TIMM50: variants seen among roughly 807,000 people sequenced by gnomAD.
TIMM50 encodes the protein translocase of inner mitochondrial membrane 50.
In TIMM50, 34 loss-of-function variants were observed where a neutral mutation model predicts 49.6. The ratio of observed to expected loss-of-function variants is 0.69; its 90% CI spans 0.52 to 0.91. TIMM50 has a LOEUF of 0.91. TIMM50 is among the 40% of genes least tolerant of loss of function. The probability of loss-of-function intolerance (pLI) is 0.00; values close to 1 mark genes in which losing one functional copy is unlikely to be tolerated. For synonymous variants in TIMM50, 199 were observed against 198.4 expected (o/e 1.00, Z -0.03); for missense variants, 458 against 477.8 (o/e 0.96, Z 0.39).
Position 39,491,665 on chromosome 19 carries a change from CAAAGT to C in TIMM50, c.*1848_*1852del. 1 of 149,836 alleles carries C rather than the reference CAAAGT, an allele frequency of 6.7e-6. No individual in the cohort carries two copies. The highest frequency in any genetic ancestry group is 6.6e-5 in the Admixed American group (1 of 15,078). The allele number at this position is 149,836 out of a possible 1,614,324, so 9.3% of individuals were successfully genotyped here. A position where few individuals can be genotyped will look rare whatever the true frequency, so the allele number is the denominator to read the frequency against. ...TGAAATCCTGCCTCTAAAAAAAAAA[CAAAGT>C]AACGAGCCCAGCGAGGTTATGCATA... On this transcript the variant is annotated 3_prime_UTR_variant, in exon 11 of 11. Transcript: ENST00000607714.
At chr19:39,483,334 T>G (rs575636618) in intron 4 of TIMM50, 178 bp downstream of exon 4, 28 of 667,398 alleles carry the variant, frequency 4.2e-5, no homozygotes, top group East Asian at 1.3e-4. Flanking sequence ...CCCACTTCCC[T>G]GGCCCCTCAG....
At chr19:39,482,123 C>CT in intron 2 of TIMM50, 90 bp downstream of exon 2, 1 of 1,511,924 alleles carries the variant, frequency 6.6e-7, no homozygotes. Flanking sequence ...ACCAGCTTCT[C>CT]TCGTCTTCAT....
At position 39,492,882 on chromosome 19, in the gene TIMM50, A is replaced by AAAAAAAAAAAAAAAAAAAAAC. The variant is rs1568445501; in HGVS notation, c.*3072_*3073insAAAAAAAAAACAAAAAAAAAA. On this transcript the variant is annotated 3_prime_UTR_variant, in exon 11 of 11. Transcript: ENST00000607714. ...TAAGGCTCTGTCTCCAAAAAAAAAAAAAAAAAAAAACAAAAAAAAAACCAG... is the reference window on the plus strand; with the variant it reads ...TAAGGCTCTGTCTCCAAAAAAAAAAAAAAAAAAAAAAAAAAAAAAACAAAAAAAAAACAAAAAAAAAACCAG... 1 of 141,334 alleles carries AAAAAAAAAAAAAAAAAAAAAC rather than the reference A, an allele frequency of 7.1e-6. No individual in the cohort carries two copies. Among genetic ancestry groups the AAAAAAAAAAAAAAAAAAAAAC allele is most frequent in the Non-Finnish European group, 1.5e-5 (1 of 65,204 alleles). 8.8% of individuals were successfully genotyped at this position (141,334 alleles called of 1,614,324 possible). A position where few individuals can be genotyped will look rare whatever the true frequency, so the allele number is the denominator to read the frequency against.
chr19:39,487,608 C>T lies in TIMM50; in HGVS notation c.697-453C>T, dbSNP rs147044342. 3.5e-3 allele frequency among the ~76,000 whole-genome samples: 535 copies of T among 152,264 alleles called. 2 individuals are homozygous for T. The highest frequency in any genetic ancestry group is 0.012 in the African/African-American group (510 of 41,536). ...GAGTAGCTGGGACTACAAGCACACA[C>T]CACCACACCCAGCTAATTTTTTGTA... On this transcript the variant is annotated intron_variant, in intron 8 of 10. Coordinates refer to ENST00000607714, the MANE Select transcript of TIMM50 (RefSeq NM_001001563.5).
chr19:39,486,165 A>C (rs781129482), intron 6 of TIMM50, 22 bp from the exon 7 acceptor site: 2 of 1,612,244 alleles, frequency 1.2e-6, no homozygotes, highest in Non-Finnish European at 1.7e-6. Flanking sequence ...TTGGTGTTTC[A>C]CTGTCCTCAC....
At chr19:39,482,250 G>T (rs1171075138) in intron 2 of TIMM50, among the ~76,000 whole-genome samples, 1 of 152,156 alleles carries the variant, frequency 6.6e-6, no homozygotes, top group African/African-American at 2.4e-5. Context: ...GTTGGTTCCT[G>T]TACCAGGATA....
At position 39,481,151 on chromosome 19, in the gene TIMM50, G is replaced by C. The variant is rs937650628; in HGVS notation, c.108+190G>C. ...GGCTGGAGGCTGGGAATCCAGGTGT[G>C]TCCTTAGACCCCACCTCCCACCCAC... On this transcript the variant is annotated intron_variant, in intron 1 of 10. Coordinates refer to ENST00000607714, the MANE Select transcript of TIMM50 (RefSeq NM_001001563.5). The C allele has an allele frequency of 6.9e-5, 52 of 751,256 alleles. 1 individual carries two copies. Among genetic ancestry groups the C allele is most frequent in the Non-Finnish European group, 9.6e-5 (47 of 490,306 alleles). The allele number at this position is 751,256 out of a possible 1,614,324, so 46.5% of individuals were successfully genotyped here. A position where few individuals can be genotyped will look rare whatever the true frequency, so the allele number is the denominator to read the frequency against.
intron 8 of TIMM50, among the ~76,000 whole-genome samples, chr19:39,486,869 G>C (rs554493936): frequency 2.6e-4 from 39 of 152,318 alleles, no homozygotes; most frequent in Non-Finnish European, 4.0e-4. Context: ...CTCTGTTACT[G>C]TGGCCAGTGC....
intron 6 of TIMM50, 182 bp downstream of exon 6, chr19:39,485,989 G>A (rs2079503055): frequency 8.8e-7 from 1 of 1,141,284 alleles, no homozygotes; most frequent in Non-Finnish European, 1.3e-6. Flanking sequence ...GGTAGTGTAG[G>A]TGTGCCCAGG....
chr19:39,482,148 C>T (rs2079476945), intron 2 of TIMM50, 115 bp downstream of exon 2: 29 of 1,350,886 alleles, frequency 2.1e-5, no homozygotes, highest in Non-Finnish European at 2.7e-5. Context: ...TGGCTCCTTC[C>T]TCAATAGGGC....
At chr19:39,485,876 C>A (rs1314609203) in intron 6 of TIMM50, 69 bp downstream of exon 6, 2 of 1,593,998 alleles carry the variant, frequency 1.3e-6, no homozygotes, top group African/African-American at 2.7e-5. Context: ...GGTGGACTTT[C>A]AGCCCTGGCT....
intron 4 of TIMM50, chr19:39,484,956 G>GTTTTTT (rs1282147276): frequency 6.8e-6 from 1 of 147,850 alleles, no homozygotes; most frequent in African/African-American, 2.6e-5. Flanking sequence ...TGTGGGTTTT[G>GTTTTTT]TTTTGTTTTT....
Position 39,481,879 on chromosome 19 carries a change from G to T in TIMM50, c.109-4G>T. 1 of 1,610,478 alleles carries T rather than the reference G, an allele frequency of 6.2e-7. No homozygotes were observed. The highest frequency in any genetic ancestry group is 8.5e-7 in the Non-Finnish European group (1 of 1,178,570). On this transcript the variant is annotated splice_polypyrimidine_tract_variant and splice_region_variant and intron_variant, in intron 1 of 10. Coordinates refer to ENST00000607714, the MANE Select transcript of TIMM50 (RefSeq NM_001001563.5). ...TTGGCTGACCTCCCCTTTCTCAACC[G>T]CAGGCCGCAGAGATCGGGAGCCGCG...
Position 39,491,184 on chromosome 19 carries a change from G to C in TIMM50, c.*1364G>C, listed in dbSNP as rs1411448914. The C allele has an allele frequency of 8.1e-6, 1 of 124,164 alleles. No individual in the cohort carries two copies. Among genetic ancestry groups the C allele is most frequent in the Admixed American group, 8.3e-5 (1 of 11,978 alleles). 7.7% of individuals were successfully genotyped at this position (124,164 alleles called of 1,614,324 possible). ...ACATAAACCTTTGTTTTTTTTTTTT[G>C]AGACGGAGTTTCGCTCTTATTGCCC... On this transcript the variant is annotated 3_prime_UTR_variant, in exon 11 of 11. Transcript: ENST00000607714.
At position 39,492,885 on chromosome 19, in the gene TIMM50, AAAAAAAAC is replaced by A. The variant is rs1568445545; in HGVS notation, c.*3073_*3080del. On this transcript the variant is annotated 3_prime_UTR_variant, in exon 11 of 11. Coordinates refer to ENST00000607714, the MANE Select transcript of TIMM50 (RefSeq NM_001001563.5). ...GGCTCTGTCTCCAAAAAAAAAAAAA[AAAAAAAAC>A]AAAAAAAAAACCAGTTTGACTTTAT... The A allele has an allele frequency of 2.1e-5, 3 of 144,942 alleles. No individual in the cohort carries two copies. Among genetic ancestry groups the A allele is most frequent in the African/African-American group, 8.1e-5 (3 of 37,106 alleles). 9.0% of individuals were successfully genotyped at this position (144,942 alleles called of 1,614,324 possible). A position where few individuals can be genotyped will look rare whatever the true frequency, so the allele number is the denominator to read the frequency against.
In TIMM50 at chr19:39,485,808, G is replaced by C. The variant is rs771108668; in HGVS notation, c.492+1G>C. 1 of 1,614,156 alleles carries C rather than the reference G, an allele frequency of 6.2e-7. No homozygotes were observed. Among genetic ancestry groups the C allele is most frequent in the Non-Finnish European group, 8.5e-7 (1 of 1,180,036 alleles). ...CGTCCTCTTGCATCCTGAGTGGTCG[G>C]TGTGTCCCGGGAAACCCAGTGGGTT... On this transcript the variant is annotated splice_donor_variant, in intron 6 of 10. Transcript: ENST00000607714. LOFTEE classifies it high-confidence loss of function.
At chr19:39,481,798 T>C (rs1218745082) in intron 1 of TIMM50, 85 bp from the exon 2 acceptor site, 23 of 1,523,864 alleles carry the variant, frequency 1.5e-5, no homozygotes, top group Non-Finnish European at 1.9e-5. Flanking sequence ...TCTTGGCTCC[T>C]GAACTTGATT....
rs894213919 is a variant in TIMM50 at position 39,491,162 on chromosome 19, T to A, written c.*1342T>A. 1 of 143,178 alleles carries A rather than the reference T, an allele frequency of 7.0e-6. No homozygotes were observed. Among genetic ancestry groups the A allele is most frequent in the Non-Finnish European group, 1.5e-5 (1 of 65,710 alleles). 8.9% of individuals were successfully genotyped at this position (143,178 alleles called of 1,614,324 possible). A position where few individuals can be genotyped will look rare whatever the true frequency, so the allele number is the denominator to read the frequency against. Reference sequence around the variant, plus strand: ...TCCAGTACAGTAGCCAGTGGCCACATAAACCTTTGTTTTTTTTTTTTGAGA... The same window carrying A: ...TCCAGTACAGTAGCCAGTGGCCACAAAAACCTTTGTTTTTTTTTTTTGAGA... On this transcript the variant is annotated 3_prime_UTR_variant, in exon 11 of 11. Coordinates refer to ENST00000607714, the MANE Select transcript of TIMM50 (RefSeq NM_001001563.5).
At position 39,480,865 on chromosome 19, in the gene TIMM50, G is replaced by A. The variant is rs766156151; in HGVS notation, c.12G>A (p.Ser4=). The A allele has an allele frequency of 5.6e-6, 9 of 1,598,592 alleles. No homozygotes were observed. Among genetic ancestry groups the A allele is most frequent in the Admixed American group, 3.4e-5 (2 of 58,196 alleles). MAA[S]AAVFSRLRSG... ...GGCGTCAGCGCAAGATGGCGGCCTCGGCAGCGGTGTTCTCGCGCTTGCGAA... is the reference window on the plus strand; with the variant it reads ...GGCGTCAGCGCAAGATGGCGGCCTCAGCAGCGGTGTTCTCGCGCTTGCGAA... The change falls in exon 1 of 11, where the codon TCG becomes TCA. Residue 4 remains serine (S), a synonymous_variant. Coordinates refer to ENST00000607714, the MANE Select transcript of TIMM50 (RefSeq NM_001001563.5).
Sources: gnomAD v4.1 joint callset for allele counts (sites outside exome capture counted in the v4.1 genomes callset) on GRCh38, gnomAD v4.1.1 for gene constraint, MANE v1.5 for transcripts, NCBI Gene and HGNC (gene_info 2026-07-23, HGNC 2026-07-21) for gene names.